TSEN15: variants seen among roughly 807,000 people sequenced by gnomAD.
TSEN15 encodes the protein tRNA splicing endonuclease subunit 15.
A neutral mutation model predicts 20.5 loss-of-function variants in TSEN15; 10 were observed. The observed-to-expected ratio is 0.49, with a 90% confidence interval of 0.30 to 0.83. The LOEUF (loss-of-function observed/expected upper bound fraction) is 0.83, where lower values mean the gene tolerates loss of function less well. Ranked by LOEUF, TSEN15 falls within the 40% of genes least tolerant of loss-of-function variation. TSEN15 has a pLI of 0.06. For synonymous variants in TSEN15, 72 were observed against 80.1 expected (o/e 0.90, Z 0.54); for missense variants, 180 against 218.6 (o/e 0.82, Z 1.11).
intron 3 of TSEN15, among the ~76,000 whole-genome samples, chr1:184,063,841 G>A (rs1246829234): frequency 6.6e-6 from 1 of 152,024 alleles, no homozygotes; most frequent in Non-Finnish European, 1.5e-5. Flanking sequence ...ACCCCGAGAT[G>A]TGTAGGGAAA....
At chr1:184,059,807 G>C (rs1213555882) in intron 3 of TSEN15, among the ~76,000 whole-genome samples, 1 of 152,170 alleles carries the variant, frequency 6.6e-6, no homozygotes, top group Non-Finnish European at 1.5e-5. Context: ...CTGACCTCAA[G>C]TTATCTGCCC....
At chr1:184,070,633 T>C in intron 3 of TSEN15, 2 of 1,287,550 alleles carry the variant, frequency 1.6e-6, no homozygotes, top group Middle Eastern at 2.2e-4. Flanking sequence ...CGTGCCACTT[T>C]TGAAGAAGGA....
At chr1:184,091,889 T>C (rs1366181664) in intron 3 of TSEN15, among the ~76,000 whole-genome samples, 1 of 152,204 alleles carries the variant, frequency 6.6e-6, no homozygotes, top group Non-Finnish European at 1.5e-5. Context: ...GTGTTAATTG[T>C]CCTGGTAAAT....
intron 3 of TSEN15, among the ~76,000 whole-genome samples, chr1:184,080,223 C>T (rs533094411): frequency 2.0e-5 from 3 of 152,156 alleles, no homozygotes; most frequent in African/African-American, 7.2e-5. Flanking sequence ...ACTTTATTCA[C>T]TACTAAGTGC....
chr1:184,077,123 G>A (rs1330254094), downstream of TSEN15, among the ~76,000 whole-genome samples: 1 of 151,748 alleles, frequency 6.6e-6, no homozygotes, highest in African/African-American at 2.4e-5. Flanking sequence ...AGAAGCCAAT[G>A]TCTGGCTTCA....
intron 3 of TSEN15, among the ~76,000 whole-genome samples, chr1:184,055,470 A>T (rs1030085518): frequency 7.2e-5 from 11 of 152,238 alleles, no homozygotes; most frequent in Admixed American, 6.5e-4. Context: ...CTCTATGGTC[A>T]GTACTTTTTC....
chr1:184,054,687 A>T (rs1385604898), intron 2 of TSEN15, 41 bp from the exon 3 acceptor site: 1 of 1,589,708 alleles, frequency 6.3e-7, no homozygotes, highest in Non-Finnish European at 8.6e-7. Flanking sequence ...TATTTTTTGT[A>T]TTTAATAAAC....
At chr1:184,059,573 T>C (rs1293500328) in intron 3 of TSEN15, among the ~76,000 whole-genome samples, 1 of 152,160 alleles carries the variant, frequency 6.6e-6, no homozygotes, top group Non-Finnish European at 1.5e-5. Context: ...TATACCTTTA[T>C]ACCTTCTTTT....
intron 3 of TSEN15, among the ~76,000 whole-genome samples, chr1:184,065,102 T>A (rs1650599125): frequency 6.6e-6 from 1 of 152,178 alleles, no homozygotes; most frequent in African/African-American, 2.4e-5. Flanking sequence ...TCTCCTTCTG[T>A]CGTTTTCTTT....
chr1:184,066,595 A>G (rs1453873071), intron 3 of TSEN15, among the ~76,000 whole-genome samples: 1 of 152,016 alleles, frequency 6.6e-6, no homozygotes, highest in Non-Finnish European at 1.5e-5. Flanking sequence ...TAATAGAGAC[A>G]GGGTTTCACC....
At chr1:184,056,067 A>G (rs1300482287) in intron 3 of TSEN15, among the ~76,000 whole-genome samples, 1 of 152,102 alleles carries the variant, frequency 6.6e-6, no homozygotes, top group Admixed American at 6.5e-5. Flanking sequence ...TTGAGCTGCC[A>G]CATAACATTC....
At position 184,073,307 on chromosome 1, in the gene TSEN15, A is replaced by T. The variant is rs2102896642; in HGVS notation, c.*460A>T. ...TGTACCTTGTCACCCACTTCTGTTT[A>T]CTTTTTCCTCTCCAGTAAAAAGTAA... On this transcript the variant is annotated 3_prime_UTR_variant, in exon 5 of 5. Coordinates refer to ENST00000645668, the MANE Select transcript of TSEN15 (RefSeq NM_052965.4). 1 of 154,374 alleles carries T rather than the reference A, an allele frequency of 6.5e-6. No homozygotes were observed. Among genetic ancestry groups the T allele is most frequent in the East Asian group, 1.9e-4 (1 of 5,240 alleles). The allele number at this position is 154,374 out of a possible 1,614,324, so 9.6% of individuals were successfully genotyped here. A position where few individuals can be genotyped will look rare whatever the true frequency, so the allele number is the denominator to read the frequency against.
At chr1:184,058,037 A>C in intron 3 of TSEN15, 1 of 322,058 alleles carries the variant, frequency 3.1e-6, no homozygotes, top group Non-Finnish European at 6.0e-6. Flanking sequence ...TACTATTTGA[A>C]ATTAACCTGC....
Position 184,073,640 on chromosome 1 carries a change from T to G in TSEN15, c.*793T>G, listed in dbSNP as rs919835672. ...TCAAATTGTACAAAGTATAAAAAATTATATGCACAAAGATGTTCCAAGTGA... is the reference window on the plus strand; with the variant it reads ...TCAAATTGTACAAAGTATAAAAAATGATATGCACAAAGATGTTCCAAGTGA... On this transcript the variant is annotated 3_prime_UTR_variant, in exon 5 of 5. Coordinates refer to ENST00000645668, the MANE Select transcript of TSEN15 (RefSeq NM_052965.4). The G allele has an allele frequency of 6.6e-6, 1 of 152,596 alleles. No homozygotes were observed. The highest frequency in any genetic ancestry group is 2.1e-4 in the South Asian group (1 of 4,836). 9.5% of individuals were successfully genotyped at this position (152,596 alleles called of 1,614,324 possible). A position where few individuals can be genotyped will look rare whatever the true frequency, so the allele number is the denominator to read the frequency against.
chr1:184,059,286 A>G (rs1177782097), intron 3 of TSEN15, among the ~76,000 whole-genome samples: 1 of 152,188 alleles, frequency 6.6e-6, no homozygotes, highest in Non-Finnish European at 1.5e-5. Flanking sequence ...GGGTAACTGC[A>G]AGTAATTAAG....
intron 3 of TSEN15, among the ~76,000 whole-genome samples, chr1:184,081,591 A>G (rs764426972): frequency 6.6e-6 from 1 of 152,204 alleles, no homozygotes; most frequent in African/African-American, 2.4e-5. Context: ...GGTAATAGAA[A>G]GGAGAGGAGA....
At chr1:184,068,831 A>G (rs1351759723) in intron 3 of TSEN15, among the ~76,000 whole-genome samples, 1 of 152,216 alleles carries the variant, frequency 6.6e-6, no homozygotes, top group Non-Finnish European at 1.5e-5. Flanking sequence ...CCTTTTACTA[A>G]TAAGGCTATA....
downstream of TSEN15, chr1:184,074,327 G>A (rs542279504): frequency 2.6e-5 from 4 of 152,216 alleles, no homozygotes; most frequent in Admixed American, 1.3e-4. Flanking sequence ...CAAGGGACCC[G>A]GGCACAGATT....
intron 3 of TSEN15, among the ~76,000 whole-genome samples, chr1:184,058,465 T>C (rs1233155806): frequency 2.0e-5 from 3 of 152,074 alleles, no homozygotes; most frequent in Non-Finnish European, 4.4e-5. Flanking sequence ...TGTGTGGGTG[T>C]ATATGTGTGT....
Sources: gnomAD v4.1 joint callset for allele counts (sites outside exome capture counted in the v4.1 genomes callset) on GRCh38, gnomAD v4.1.1 for gene constraint, MANE v1.5 for transcripts, NCBI Gene and HGNC (gene_info 2026-07-23, HGNC 2026-07-21) for gene names.